TEKTL1: variants seen among roughly 807,000 people sequenced by gnomAD.
TEKTL1 encodes tektin-like protein 1.
At chr19:15,019,060 C>G in the TEKTL1 span, among the ~76,000 whole-genome samples, 1 of 152,066 alleles carries the variant, frequency 6.6e-6, no homozygotes. Flanking sequence ...GTGACCCCCC[C>G]ACCTCAGCCT....
the TEKTL1 span, chr19:15,020,803 A>C: frequency 1.2e-5 from 8 of 679,742 alleles, no homozygotes; most frequent in African/African-American, 1.3e-4. Context: ...CATGCTGAGC[A>C]CACATTGTCA....
the TEKTL1 span, among the ~76,000 whole-genome samples, chr19:15,014,510 C>A: frequency 1.3e-4 from 20 of 151,974 alleles, no homozygotes; most frequent in South Asian, 4.2e-4. Flanking sequence ...AGATTGAAGT[C>A]TTTTATTGTT....
At chr19:15,018,634 G>T in the TEKTL1 span, among the ~76,000 whole-genome samples, 2 of 147,974 alleles carry the variant, frequency 1.4e-5, no homozygotes, top group African/African-American at 5.0e-5. Flanking sequence ...GATCGCTTGA[G>T]CACAGGATGT....
the TEKTL1 span, among the ~76,000 whole-genome samples, chr19:15,013,987 T>C: frequency 6.6e-6 from 1 of 152,178 alleles, no homozygotes. Context: ...AACCACTCTG[T>C]ACCAAACCCT....
chr19:15,012,372 T>C, the TEKTL1 span, among the ~76,000 whole-genome samples: 1 of 152,154 alleles, frequency 6.6e-6, no homozygotes, highest in African/African-American at 2.4e-5. Context: ...GAGGCCAGCC[T>C]GGACAACACA....
chr19:15,017,185 G>C, the TEKTL1 span, among the ~76,000 whole-genome samples: 1 of 152,040 alleles, frequency 6.6e-6, no homozygotes, highest in African/African-American at 2.4e-5. Context: ...TCATGCCACT[G>C]CAATCCAGCC....
At chr19:15,011,094 G>T in the TEKTL1 span, 1 of 1,568,800 alleles carries the variant, frequency 6.4e-7, no homozygotes, top group East Asian at 2.3e-5. Flanking sequence ...CCGCCGCCAG[G>T]CGAGGGCGTC....
chr19:15,022,359 C>T, the TEKTL1 span, among the ~76,000 whole-genome samples: 23 of 152,068 alleles, frequency 1.5e-4, no homozygotes, highest in African/African-American at 4.3e-4. Context: ...GACAGACTCT[C>T]GCTCTGTCGC....
At chr19:15,015,151 C>T in the TEKTL1 span, among the ~76,000 whole-genome samples, 9 of 152,112 alleles carry the variant, frequency 5.9e-5, no homozygotes, top group South Asian at 2.1e-4. Flanking sequence ...CATACCTCTG[C>T]GCTCCAGTCT....
At chr19:15,012,802 C>A in the TEKTL1 span, among the ~76,000 whole-genome samples, 4 of 152,120 alleles carry the variant, frequency 2.6e-5, no homozygotes, top group Admixed American at 6.5e-5. Flanking sequence ...CACCTAGACC[C>A]TAGGCCCAGA....
At chr19:15,016,185 C>CTTTTTTTTTTT in the TEKTL1 span, among the ~76,000 whole-genome samples, 3 of 66,754 alleles carry the variant, frequency 4.5e-5, no homozygotes, top group Admixed American at 2.0e-4. Context: ...GACAGCTGTC[C>CTTTTTTTTTTT]TTTTTTTTTT....
chr19:15,012,754 G>A, the TEKTL1 span, among the ~76,000 whole-genome samples: 1 of 151,800 alleles, frequency 6.6e-6, no homozygotes, highest in Non-Finnish European at 1.5e-5. Context: ...TCCCCAAAAA[G>A]TAAAACCCAC....
chr19:15,022,823 A>T, the TEKTL1 span: 1 of 1,514,744 alleles, frequency 6.6e-7, no homozygotes, highest in Non-Finnish European at 8.9e-7. Context: ...TTCCCACGCC[A>T]GGTAGCCATC....
chr19:15,020,645 G>A, the TEKTL1 span: 1 of 1,613,182 alleles, frequency 6.2e-7, no homozygotes, highest in Non-Finnish European at 8.5e-7. Flanking sequence ...GACCCTGTGG[G>A]CACCTATAAC....
At chr19:15,011,395 G>A in the TEKTL1 span, 3 of 1,423,112 alleles carry the variant, frequency 2.1e-6, no homozygotes, top group Middle Eastern at 1.8e-4. Context: ...AGTCTGAGAA[G>A]GTGGGACCCT....
At chr19:15,021,342 G>C in the TEKTL1 span, 1 of 1,612,860 alleles carries the variant, frequency 6.2e-7, no homozygotes, top group East Asian at 2.2e-5. Context: ...GCGCATCCTG[G>C]GCATTTGCAG....
At chr19:15,019,095 T>A in the TEKTL1 span, among the ~76,000 whole-genome samples, 1 of 152,096 alleles carries the variant, frequency 6.6e-6, no homozygotes, top group East Asian at 1.9e-4. Flanking sequence ...ATTACAGACG[T>A]GAATCATCAC....
the TEKTL1 span, among the ~76,000 whole-genome samples, chr19:15,014,736 G>A: frequency 1.7e-5 from 2 of 118,512 alleles, no homozygotes; most frequent in Admixed American, 1.7e-4. Context: ...GGGGGCGGGG[G>A]GCGGGGGCTG....
At chr19:15,016,807 G>A in the TEKTL1 span, among the ~76,000 whole-genome samples, 1 of 152,146 alleles carries the variant, frequency 6.6e-6, no homozygotes, top group African/African-American at 2.4e-5. Flanking sequence ...TGGAAACAAC[G>A]AGAAATGATA....
Sources: gnomAD v4.1 joint callset for allele counts (sites outside exome capture counted in the v4.1 genomes callset) on GRCh38, gnomAD v4.1.1 for gene constraint, MANE v1.5 for transcripts, NCBI Gene and HGNC (gene_info 2026-07-23, HGNC 2026-07-21) for gene names.